The following RPSA2 variants were observed in gnomAD, a reference collection of about 807,000 sequenced individuals.
RPSA2 encodes ribosomal protein SA 2, also known as small ribosomal subunit protein uS2B.
the RPSA2 span, among the ~76,000 whole-genome samples, chr19:23,834,109 C>T: frequency 6.6e-6 from 1 of 151,868 alleles, no homozygotes; most frequent in East Asian, 1.9e-4. Context: ...TAGGGCCACT[C>T]AATGTTTAGA....
At chr19:23,804,386 T>G in the RPSA2 span, among the ~76,000 whole-genome samples, 1 of 149,648 alleles carries the variant, frequency 6.7e-6, no homozygotes, top group Non-Finnish European at 1.5e-5. Flanking sequence ...AAGCTCCGCC[T>G]CCTGGGTTCA....
At chr19:23,853,931 T>C in the RPSA2 span, among the ~76,000 whole-genome samples, 1 of 152,174 alleles carries the variant, frequency 6.6e-6, no homozygotes, top group Non-Finnish European at 1.5e-5. Flanking sequence ...AATAGAAACA[T>C]CAATCCCAGT....
chr19:23,761,584 G>A, the RPSA2 span, among the ~76,000 whole-genome samples: 2 of 151,998 alleles, frequency 1.3e-5, no homozygotes, highest in African/African-American at 4.8e-5. Flanking sequence ...AATGCGTATT[G>A]AGAAAACTGT....
chr19:23,796,369 G>A, the RPSA2 span, among the ~76,000 whole-genome samples: 1 of 149,066 alleles, frequency 6.7e-6, no homozygotes, highest in Admixed American at 6.7e-5. Flanking sequence ...AATTTGGTTT[G>A]TCAGTATTTT....
the RPSA2 span, among the ~76,000 whole-genome samples, chr19:23,857,943 G>A: frequency 2.0e-5 from 3 of 151,886 alleles, no homozygotes; most frequent in East Asian, 1.9e-4. Flanking sequence ...TGCACATCTG[G>A]AGAGACAATT....
At chr19:23,793,500 G>A in the RPSA2 span, among the ~76,000 whole-genome samples, 1 of 151,840 alleles carries the variant, frequency 6.6e-6, no homozygotes, top group African/African-American at 2.4e-5. Context: ...CTGTTGCCTA[G>A]GCTGAAGTGC....
the RPSA2 span, chr19:23,833,277 TA>T: frequency 1.2e-6 from 1 of 824,520 alleles, no homozygotes; most frequent in Admixed American, 4.6e-5. Flanking sequence ...GCACATAAGA[TA>T]ACTTATATTG....
the RPSA2 span, among the ~76,000 whole-genome samples, chr19:23,852,354 AC>A: frequency 4.6e-5 from 7 of 152,070 alleles, no homozygotes; most frequent in Non-Finnish European, 1.0e-4. Context: ...AGACACACAC[AC>A]ACACACACAC....
At chr19:23,869,937 A>C in the RPSA2 span, among the ~76,000 whole-genome samples, 3 of 152,216 alleles carry the variant, frequency 2.0e-5, no homozygotes, top group Admixed American at 1.3e-4. Flanking sequence ...AGCTCCAGGT[A>C]AGCAATACTC....
the RPSA2 span, among the ~76,000 whole-genome samples, chr19:23,766,173 G>A: frequency 1.1e-5 from 1 of 87,786 alleles, no homozygotes. Flanking sequence ...TTTTTTTTGA[G>A]ATGGAGTCTC....
chr19:23,863,599 A>T, the RPSA2 span, among the ~76,000 whole-genome samples: 3 of 149,524 alleles, frequency 2.0e-5, no homozygotes, highest in East Asian at 5.9e-4. Flanking sequence ...CTCTAGACAG[A>T]TTCATTTGTA....
chr19:23,847,404 G>A, the RPSA2 span, among the ~76,000 whole-genome samples: 3 of 152,138 alleles, frequency 2.0e-5, no homozygotes, highest in Non-Finnish European at 4.4e-5. Context: ...TAAAGAGAAA[G>A]AGTACAAAGA....
chr19:23,780,980 G>A, the RPSA2 span, among the ~76,000 whole-genome samples: 1 of 152,174 alleles, frequency 6.6e-6, no homozygotes, highest in Non-Finnish European at 1.5e-5. Context: ...AGTTGGGTTA[G>A]TGACTTTTTT....
chr19:23,780,640 C>CAAACAAAACAAAACAAAACA, the RPSA2 span, among the ~76,000 whole-genome samples: 110 of 150,748 alleles, frequency 7.3e-4, no homozygotes, highest in African/African-American at 2.5e-3. Context: ...GACTCCGTCT[C>CAAACAAAACAAAACAAAACA]AAACAAAACA....
At chr19:23,793,412 T>G in the RPSA2 span, among the ~76,000 whole-genome samples, 5 of 151,134 alleles carry the variant, frequency 3.3e-5, no homozygotes, top group African/African-American at 1.2e-4. Flanking sequence ...ATTTGTATTT[T>G]ATTGTATTGT....
At chr19:23,770,463 T>C in the RPSA2 span, among the ~76,000 whole-genome samples, 1 of 152,264 alleles carries the variant, frequency 6.6e-6, no homozygotes, top group Non-Finnish European at 1.5e-5. Flanking sequence ...CTTTTATTTT[T>C]CTTGTTTCTG....
chr19:23,860,286 A>T, the RPSA2 span, among the ~76,000 whole-genome samples: 1 of 151,490 alleles, frequency 6.6e-6, no homozygotes, highest in East Asian at 1.9e-4. Flanking sequence ...CTTTTCTCAC[A>T]CTCCACTTGT....
At chr19:23,780,872 G>A in the RPSA2 span, among the ~76,000 whole-genome samples, 1,683 of 152,292 alleles carry the variant, frequency 0.011, 34 homozygotes, top group African/African-American at 0.038. Context: ...AGCAAAGATT[G>A]TCATCCACTT....
the RPSA2 span, among the ~76,000 whole-genome samples, chr19:23,812,464 C>T: frequency 3.6e-5 from 5 of 138,910 alleles, no homozygotes; most frequent in African/African-American, 1.3e-4. Context: ...TGCAGTATCT[C>T]GGCTCACTGC....
Sources: gnomAD v4.1 joint callset for allele counts (sites outside exome capture counted in the v4.1 genomes callset) on GRCh38, gnomAD v4.1.1 for gene constraint, MANE v1.5 for transcripts, NCBI Gene and HGNC (gene_info 2026-07-23, HGNC 2026-07-21) for gene names.